Variants in SLC13A1 observed in about 807,000 individuals in gnomAD.
The protein encoded by SLC13A1 is Na(+)/sulfate cotransporter.
Under a neutral mutation model 70.0 loss-of-function variants are expected in SLC13A1, and 65 were observed. The ratio of observed to expected loss-of-function variants is 0.93; its 90% CI spans 0.76 to 1.14. The LOEUF (loss-of-function observed/expected upper bound fraction) is 1.14, where lower values mean the gene tolerates loss of function less well. SLC13A1 is among the 50% of genes most tolerant of loss of function. SLC13A1 has a pLI of 0.00. For missense variants in SLC13A1, 726 were observed against 717.8 expected (o/e 1.01, Z -0.13); for synonymous variants, 275 against 250.5 (o/e 1.10, Z -0.92).
chr7:123,173,970 G>GTT lies in SLC13A1; in HGVS notation c.229-2068_229-2067dup, dbSNP rs35330071. ...CCAGTGCTTCCAGAGTCGGGAAGCT[G>GTT]TTTTTTTTTTTTTTTTCTCCCTGGT... On this transcript the variant is annotated intron_variant, in intron 2 of 14. Coordinates refer to ENST00000194130, the MANE Select transcript of SLC13A1 (RefSeq NM_022444.4). 9.8e-3 allele frequency among the ~76,000 whole-genome samples: 1,278 copies of GTT among 130,152 alleles called. 22 individuals carry two copies. The highest frequency in any genetic ancestry group is 0.021 in the Middle Eastern group (5 of 238). 85.4% of individuals were successfully genotyped at this position (130,152 alleles called of 152,430 possible).
intron 1 of SLC13A1, among the ~76,000 whole-genome samples, chr7:123,189,789 AT>A (rs1340482925): frequency 9.9e-5 from 15 of 151,716 alleles, no homozygotes; most frequent in African/African-American, 2.9e-4. Context: ...CCTTTTGGAG[AT>A]TTTTTTCTTC....
At chr7:123,162,696 G>A (rs1462070440) in intron 6 of SLC13A1, among the ~76,000 whole-genome samples, 1 of 151,900 alleles carries the variant, frequency 6.6e-6, no homozygotes, top group African/African-American at 2.4e-5. Context: ...TCCTTATTTG[G>A]CAGAACTAAT....
In SLC13A1 at chr7:123,128,871, A is replaced by G; in HGVS notation, c.1107T>C (p.Val369=). 6.2e-7 allele frequency: 1 copy of G among 1,613,438 alleles called. No individual in the cohort carries two copies. Among genetic ancestry groups the G allele is most frequent in the Non-Finnish European group, 8.5e-7 (1 of 1,179,616 alleles). Residue 369 remains valine (V), a synonymous_variant, in exon 10 of 15, where the codon GTT becomes GTC. Transcript: ENST00000194130. ...CTGAAAAAAGTGCAGACCAACCAGGAACAAATCCGGGGTCTCGACTAAACC... is the reference window on the plus strand; with the variant it reads ...CTGAAAAAAGTGCAGACCAACCAGGGACAAATCCGGGGTCTCGACTAAACC... ...LLWFSRDPGF[V]PGWSALFSEY... is the part of the protein sequence containing the mutation.
chr7:123,164,159 G>A (rs1036927470), intron 6 of SLC13A1, among the ~76,000 whole-genome samples: 2 of 151,902 alleles, frequency 1.3e-5, no homozygotes, highest in Admixed American at 1.3e-4. Context: ...AGTGAAATAG[G>A]GAGATTAGGG....
At position 123,134,227 on chromosome 7, in the gene SLC13A1, G is replaced by A. The variant is rs148949498; in HGVS notation, c.932+183C>T. On this transcript the variant is annotated intron_variant, in intron 8 of 14. Coordinates refer to ENST00000194130, the MANE Select transcript of SLC13A1 (RefSeq NM_022444.4). ...TCTTTAATTAACTGTTCCACAGCCA[G>A]TATTATTTAAATGAGATTCAACCTT... Among the ~76,000 whole-genome samples, 162 of 152,180 alleles carry A rather than the reference G, an allele frequency of 1.1e-3. 1 individual carries two copies. Among genetic ancestry groups the A allele is most frequent in the African/African-American group, 3.5e-3 (147 of 41,530 alleles).
At chr7:123,178,033 C>CTCTCTCTCTCTCTA (rs761704605) in intron 2 of SLC13A1, among the ~76,000 whole-genome samples, 64 of 150,036 alleles carry the variant, frequency 4.3e-4, no homozygotes, top group African/African-American at 1.4e-3. Flanking sequence ...CTCTCTCTCT[C>CTCTCTCTCTCTCTA]TATATATATA....
chr7:123,164,667 T>C (rs2116516912), intron 6 of SLC13A1, among the ~76,000 whole-genome samples: 1 of 152,002 alleles, frequency 6.6e-6, no homozygotes, highest in East Asian at 1.9e-4. Flanking sequence ...TAAACTCATG[T>C]CATGAGTGTT....
At chr7:123,159,168 G>GA (rs965857757) in intron 6 of SLC13A1, among the ~76,000 whole-genome samples, 6 of 150,482 alleles carry the variant, frequency 4.0e-5, no homozygotes, top group Non-Finnish European at 7.4e-5. Flanking sequence ...CTGTTCAGGA[G>GA]AAAAAAAAAT....
At chr7:123,189,946 A>C (rs748243849) in intron 1 of SLC13A1, among the ~76,000 whole-genome samples, 5 of 152,130 alleles carry the variant, frequency 3.3e-5, no homozygotes, top group Non-Finnish European at 7.4e-5. Flanking sequence ...AATTCTGGAG[A>C]ATTCAGTAAT....
At chr7:123,136,330 A>G (rs1440082707) in intron 7 of SLC13A1, among the ~76,000 whole-genome samples, 2 of 152,326 alleles carry the variant, frequency 1.3e-5, no homozygotes, top group East Asian at 1.9e-4. Context: ...GTTTAATAGT[A>G]TGGAAGTATA....
chr7:123,149,607 C>T (rs979805827), intron 6 of SLC13A1: 12 of 456,340 alleles, frequency 2.6e-5, no homozygotes, highest in Non-Finnish European at 5.3e-5. Context: ...TTTTGGTCAC[C>T]TCACTTGCAA....
intron 6 of SLC13A1, among the ~76,000 whole-genome samples, chr7:123,165,591 G>A (rs1031214610): frequency 1.3e-5 from 2 of 152,078 alleles, no homozygotes; most frequent in Admixed American, 1.3e-4. Context: ...CTTTCAGGTT[G>A]TCCCAAAGGC....
intron 13 of SLC13A1, among the ~76,000 whole-genome samples, chr7:123,118,079 G>T (rs980742916): frequency 6.6e-6 from 1 of 151,918 alleles, no homozygotes; most frequent in South Asian, 2.1e-4. Context: ...GGCCCAGAGA[G>T]GCTAAAGTAA....
intron 6 of SLC13A1, among the ~76,000 whole-genome samples, chr7:123,158,144 G>A (rs1259678093): frequency 1.3e-5 from 2 of 151,880 alleles, no homozygotes; most frequent in Non-Finnish European, 2.9e-5. Flanking sequence ...TCAACAAAAT[G>A]AGAACCAGCA....
intron 7 of SLC13A1, among the ~76,000 whole-genome samples, chr7:123,136,109 G>T (rs1793940790): frequency 6.6e-6 from 1 of 152,126 alleles, no homozygotes; most frequent in South Asian, 2.1e-4. Flanking sequence ...CTTGGATTAG[G>T]TTTAGACCCA....
intron 2 of SLC13A1, among the ~76,000 whole-genome samples, chr7:123,178,219 C>T (rs1329183290): frequency 2.0e-5 from 3 of 151,894 alleles, no homozygotes; most frequent in Non-Finnish European, 2.9e-5. Flanking sequence ...TGTTGATATT[C>T]TTCAAATACA....
rs74897305 is a variant in SLC13A1, at chr7:123,125,726, G to T, written c.1134-51C>A. On this transcript the variant is annotated intron_variant, in intron 10 of 14. Coordinates refer to ENST00000194130, the MANE Select transcript of SLC13A1 (RefSeq NM_022444.4). ...TAAAAATAGCATCAAGAACTTAAAT[G>T]AGCTAAAACACCAATTTTGCTAATA... 8,157 of 1,319,220 alleles carry T rather than the reference G, an allele frequency of 6.2e-3. 53 individuals are homozygous for T. Among genetic ancestry groups the T allele is most frequent in the Non-Finnish European group, 7.6e-3 (7,020 of 920,498 alleles). The allele number at this position is 1,319,220 out of a possible 1,614,324, so 81.7% of individuals were successfully genotyped here.
intron 1 of SLC13A1, among the ~76,000 whole-genome samples, chr7:123,197,309 T>C (rs979089269): frequency 1.3e-5 from 2 of 152,146 alleles, no homozygotes; most frequent in African/African-American, 2.4e-5. Context: ...CATGGAATTA[T>C]TTTTTATAAT....
intron 8 of SLC13A1, among the ~76,000 whole-genome samples, chr7:123,131,175 GCTA>G (rs1313510310): frequency 6.6e-6 from 1 of 152,120 alleles, no homozygotes; most frequent in African/African-American, 2.4e-5. Flanking sequence ...AATGGACAGT[GCTA>G]CATTTATGAT....
Sources: gnomAD v4.1 joint callset for allele counts (sites outside exome capture counted in the v4.1 genomes callset) on GRCh38, gnomAD v4.1.1 for gene constraint, MANE v1.5 for transcripts, NCBI Gene and HGNC (gene_info 2026-07-23, HGNC 2026-07-21) for gene names.